KMT2C: variants seen among roughly 807,000 people sequenced by gnomAD.
KMT2C encodes the protein histone-lysine N-methyltransferase 2C.
In KMT2C, 88 loss-of-function variants were observed where a neutral mutation model predicts 507.9. The ratio of observed to expected loss-of-function variants is 0.17; its 90% CI spans 0.15 to 0.21. The LOEUF (loss-of-function observed/expected upper bound fraction) is 0.21. KMT2C is among the 10% of genes least tolerant of loss of function. The probability of loss-of-function intolerance (pLI) is 1.00; values close to 1 mark genes in which losing one functional copy is unlikely to be tolerated. For synonymous variants in KMT2C, 2,049 were observed against 2,080.8 expected (o/e 0.98, Z 0.42); for missense variants, 4,954 against 5,957.8 (o/e 0.83, Z 5.55).
intron 1 of KMT2C, among the ~76,000 whole-genome samples, chr7:152,420,761 G>A (rs967622357): frequency 7.9e-5 from 12 of 151,930 alleles, no homozygotes; most frequent in Non-Finnish European, 1.3e-4. Flanking sequence ...CTTGAACCCG[G>A]GAGGCACAGG....
In KMT2C at chr7:152,417,275, T is replaced by C. The variant is rs926838456; in HGVS notation, c.161+18351A>G. Among the ~76,000 whole-genome samples the C allele has an allele frequency of 6.6e-5, 10 of 151,942 alleles. No individual in the cohort carries two copies. The South Asian group carries it at 1.5e-3, about 22-fold the overall frequency. The stretch of plus-strand genomic sequence containing the variant: ...CTGGGATTACAGGTGCCCACCACCA[T>C]GTCTGGCTAATTTTTGTATTTTTAC... On this transcript the variant is annotated intron_variant, in intron 1 of 58. Coordinates refer to ENST00000262189, the MANE Select transcript of KMT2C (RefSeq NM_170606.3).
At chr7:152,212,977 G>A (rs1018321639) in intron 23 of KMT2C, among the ~76,000 whole-genome samples, 55 of 152,306 alleles carry the variant, frequency 3.6e-4, no homozygotes, top group African/African-American at 1.3e-3. Flanking sequence ...CCCAGGAGGC[G>A]GCAGAGGTTG....
At position 152,152,713 on chromosome 7, in the gene KMT2C, G is replaced by A. The variant is rs774784010; in HGVS notation, c.12518C>T (p.Thr4173Ile). 2.4e-5 allele frequency: 39 copies of A among 1,613,914 alleles called. No individual in the cohort carries two copies. The Admixed American group carries it at 6.3e-4, about 26-fold the overall frequency. ...LKQPNVPFPPTSNGLSGYKDS... is the reference protein window; with the variant it reads ...LKQPNVPFPPISNGLSGYKDS... The stretch of plus-strand genomic sequence containing the variant: ...AAAGCTCACTAGCTCACCATTGCTT[G>A]TTGGAGGAAATGGTACATTAGGCTG... The change falls in exon 49 of 59, where the codon ACA (threonine) becomes ATA (isoleucine). Residue 4173 changes from threonine to isoleucine, a missense_variant. Coordinates refer to ENST00000262189, the MANE Select transcript of KMT2C (RefSeq NM_170606.3).
At chr7:152,371,868 C>T (rs1258191774) in intron 1 of KMT2C, among the ~76,000 whole-genome samples, 3 of 152,072 alleles carry the variant, frequency 2.0e-5, no homozygotes, top group South Asian at 2.1e-4. Context: ...CCTGCCTTGG[C>T]CTCCCTAAGT....
chr7:152,174,899 T>C (rs898622647), intron 38 of KMT2C, among the ~76,000 whole-genome samples: 4 of 152,212 alleles, frequency 2.6e-5, no homozygotes, highest in African/African-American at 7.2e-5. Flanking sequence ...AAGAGGTTTA[T>C]ATAGCAAAAA....
chr7:152,330,169 T>TGGGG (rs376494504), intron 3 of KMT2C, among the ~76,000 whole-genome samples: 49 of 40,948 alleles, frequency 1.2e-3, no homozygotes, highest in East Asian at 2.6e-3. Flanking sequence ...GGAGGGGTGG[T>TGGGG]GGGGGGGGGG....
intron 1 of KMT2C, among the ~76,000 whole-genome samples, chr7:152,395,369 A>G (rs1302641328): frequency 6.6e-6 from 1 of 151,620 alleles, no homozygotes; most frequent in Admixed American, 6.6e-5. Flanking sequence ...CCCCCCAGTT[A>G]GAGACAGTGT....
chr7:152,218,603 A>T (rs1437506782), intron 23 of KMT2C, among the ~76,000 whole-genome samples: 3 of 152,228 alleles, frequency 2.0e-5, no homozygotes, highest in Non-Finnish European at 4.4e-5. Context: ...TAAAATATAA[A>T]TAAGATCATG....
intron 7 of KMT2C, among the ~76,000 whole-genome samples, chr7:152,269,269 A>T (rs2095914480): frequency 6.6e-6 from 1 of 152,236 alleles, no homozygotes; most frequent in Non-Finnish European, 1.5e-5. Context: ...TAGTCAAAGA[A>T]AAACATCCAT....
At chr7:152,371,228 G>C (rs1194298754) in intron 1 of KMT2C, among the ~76,000 whole-genome samples, 2 of 152,074 alleles carry the variant, frequency 1.3e-5, no homozygotes, top group East Asian at 3.8e-4. Context: ...ATATATAAAA[G>C]ATATACATTA....
intron 1 of KMT2C, among the ~76,000 whole-genome samples, chr7:152,400,106 A>T (rs1477125686): frequency 7.3e-6 from 1 of 136,160 alleles, no homozygotes; most frequent in East Asian, 2.1e-4. Flanking sequence ...CAGGAGATCA[A>T]AACCATCCTG....
chr7:152,308,123 C>T (rs1290961845), intron 6 of KMT2C, among the ~76,000 whole-genome samples: 1 of 152,102 alleles, frequency 6.6e-6, no homozygotes, highest in African/African-American at 2.4e-5. Flanking sequence ...TGTAAAATTT[C>T]CAAAACAAGC....
At chr7:152,156,138 T>C in intron 45 of KMT2C, 67 bp downstream of exon 45, 1 of 1,600,798 alleles carries the variant, frequency 6.2e-7, no homozygotes, top group Non-Finnish European at 8.5e-7. Context: ...TCTATTGCCA[T>C]TTCACAATAC....
intron 9 of KMT2C, among the ~76,000 whole-genome samples, 187 bp from the exon 10 acceptor site, chr7:152,252,902 G>C (rs2095583588): frequency 1.3e-5 from 2 of 151,872 alleles, no homozygotes; most frequent in African/African-American, 4.8e-5. Context: ...GCCCAGGCTG[G>C]AGTGCAGTGG....
At chr7:152,429,241 C>G (rs572411484) in intron 1 of KMT2C, among the ~76,000 whole-genome samples, 1 of 152,168 alleles carries the variant, frequency 6.6e-6, no homozygotes, top group Admixed American at 6.5e-5. Flanking sequence ...ATAACATGTA[C>G]CAAATGAAAG....
intron 1 of KMT2C, chr7:152,367,858 A>G (rs2097259869): frequency 2.9e-6 from 3 of 1,024,712 alleles, no homozygotes; most frequent in Non-Finnish European, 4.6e-6. Flanking sequence ...CCTTCAGGAC[A>G]TGAACTTAAA....
Position 152,139,871 on chromosome 7 carries a change from C to G in KMT2C, c.14344-80G>C. The stretch of plus-strand genomic sequence containing the variant: ...GTTTTTCATACAAAGGTTTCACCCT[C>G]GGGTCTTATTAGAAGCCATACTTAA... On this transcript the variant is annotated intron_variant, in intron 55 of 58. Transcript: ENST00000262189. The G allele has an allele frequency of 4.2e-6, 4 of 950,038 alleles. No individual in the cohort carries two copies. The South Asian group carries it at 4.6e-5, about 11-fold the overall frequency. 58.9% of individuals were successfully genotyped at this position (950,038 alleles called of 1,614,324 possible). A position where few individuals can be genotyped will look rare whatever the true frequency, so the allele number is the denominator to read the frequency against.
intron 26 of KMT2C, among the ~76,000 whole-genome samples, chr7:152,200,450 C>T (rs1219096091): frequency 6.6e-6 from 1 of 152,082 alleles, no homozygotes; most frequent in Non-Finnish European, 1.5e-5. Flanking sequence ...AAATACAGGT[C>T]GGGCGCAGTA....
In KMT2C at chr7:152,237,501, TG is replaced by T. The variant is rs200449171; in HGVS notation, c.2652+1205del. Among the ~76,000 whole-genome samples, 1,105 of 152,114 alleles carry T rather than the reference TG, an allele frequency of 7.3e-3. 8 individuals carry two copies. The highest frequency in any genetic ancestry group is 0.026 in the African/African-American group (1,065 of 41,398). The stretch of plus-strand genomic sequence containing the variant: ...AGGTTAGTTTTTTGGGGGTTTTTTT[TG>T]TTTGTTTATTTTTGAGATGGAGTCT... On this transcript the variant is annotated intron_variant, in intron 15 of 58. Coordinates refer to ENST00000262189, the MANE Select transcript of KMT2C (RefSeq NM_170606.3).
Sources: allele counts gnomAD v4.1 joint callset (sites outside exome capture counted in the v4.1 genomes callset), GRCh38; gene constraint gnomAD v4.1.1; transcripts MANE v1.5; gene names NCBI Gene and HGNC (gene_info 2026-07-23, HGNC 2026-07-21).